The following LYRM4 variants were observed in gnomAD, a reference collection of about 807,000 sequenced individuals.
LYRM4 encodes the protein LYR motif containing 4, also known as LYR motif-containing protein 4.
A neutral mutation model predicts 11.7 loss-of-function variants in LYRM4; 9 were observed. The observed-to-expected ratio is 0.77, with a 90% confidence interval of 0.46 to 1.34. LYRM4 has a LOEUF of 1.34. Ranked by LOEUF, LYRM4 falls within the 40% of genes most tolerant of loss-of-function variation. The pLI, the probability that LYRM4 is intolerant of heterozygous loss-of-function variation, is 0.00. For synonymous variants in LYRM4, 42 were observed against 40.4 expected (o/e 1.04, Z -0.15); for missense variants, 133 against 112.5 (o/e 1.18, Z -0.82).
At chr6:5,251,232 G>C (rs986631280) in intron 1 of LYRM4, among the ~76,000 whole-genome samples, 4 of 152,170 alleles carry the variant, frequency 2.6e-5, no homozygotes, top group Non-Finnish European at 4.4e-5. Flanking sequence ...TGGATTTGTT[G>C]ATTTGTCTCC....
the LYRM4 span, among the ~76,000 whole-genome samples, chr6:5,052,809 G>A: frequency 1.3e-5 from 2 of 152,146 alleles, no homozygotes; most frequent in Non-Finnish European, 2.9e-5. Flanking sequence ...TGCTGTCTAA[G>A]GAGCCCCTTT....
chr6:5,072,938 T>A, the LYRM4 span, among the ~76,000 whole-genome samples: 2 of 152,220 alleles, frequency 1.3e-5, no homozygotes, highest in African/African-American at 4.8e-5. Flanking sequence ...GACTGACATA[T>A]ACCACAAACA....
intron 2 of LYRM4, among the ~76,000 whole-genome samples, chr6:5,178,331 G>A (rs1759841773): frequency 6.6e-6 from 1 of 151,752 alleles, no homozygotes; most frequent in Non-Finnish European, 1.5e-5. Flanking sequence ...ATTCTGAAAA[G>A]GAAGTTTATT....
intron 2 of LYRM4, among the ~76,000 whole-genome samples, chr6:5,197,456 G>A (rs1015061225): frequency 1.3e-5 from 2 of 151,814 alleles, no homozygotes; most frequent in African/African-American, 4.8e-5. Context: ...TGTGGATCAC[G>A]AGGTCAGGAG....
chr6:5,126,270 T>C (rs1434496857), intron 2 of LYRM4, among the ~76,000 whole-genome samples: 1 of 152,224 alleles, frequency 6.6e-6, no homozygotes, highest in Non-Finnish European at 1.5e-5. Flanking sequence ...CTTGGCCCTT[T>C]GCTAGTGACC....
At chr6:5,119,052 A>T (rs1763279583) in intron 2 of LYRM4, among the ~76,000 whole-genome samples, 1 of 152,226 alleles carries the variant, frequency 6.6e-6, no homozygotes, top group African/African-American at 2.4e-5. Context: ...ATGTGAAAGA[A>T]GCCAGGGGTG....
chr6:5,142,003 C>T (rs978411089), intron 2 of LYRM4, among the ~76,000 whole-genome samples: 1 of 152,074 alleles, frequency 6.6e-6, no homozygotes, highest in East Asian at 1.9e-4. Context: ...TGACAGGCTG[C>T]CCTGTTTCTG....
chr6:5,135,581 G>C (rs767587186), intron 2 of LYRM4, among the ~76,000 whole-genome samples: 1 of 149,536 alleles, frequency 6.7e-6, no homozygotes, highest in Non-Finnish European at 1.5e-5. Flanking sequence ...TGATTTTCAT[G>C]GGAATGGAAC....
At chr6:5,085,461 A>G in the LYRM4 span, 1 of 1,504,376 alleles carries the variant, frequency 6.6e-7, no homozygotes, top group South Asian at 1.2e-5. Flanking sequence ...GTTCGGCCCG[A>G]GCAAGTCCAG....
At chr6:5,233,999 C>G (rs1334538943) in intron 1 of LYRM4, among the ~76,000 whole-genome samples, 2 of 152,168 alleles carry the variant, frequency 1.3e-5, no homozygotes, top group African/African-American at 4.8e-5. Context: ...CCTTTCACCC[C>G]CTCCTCCCCA....
At chr6:5,046,790 G>A in the LYRM4 span, among the ~76,000 whole-genome samples, 1 of 152,138 alleles carries the variant, frequency 6.6e-6, no homozygotes, top group South Asian at 2.1e-4. Flanking sequence ...TATTCTGTTG[G>A]TCAAAAATAA....
chr6:5,049,972 C>A, the LYRM4 span, among the ~76,000 whole-genome samples: 3 of 152,220 alleles, frequency 2.0e-5, no homozygotes, highest in Non-Finnish European at 4.4e-5. Context: ...CCGGCCTGGG[C>A]AGTGTCATTC....
intron 2 of LYRM4, among the ~76,000 whole-genome samples, chr6:5,180,526 C>A (rs957411793): frequency 6.6e-6 from 1 of 152,172 alleles, no homozygotes; most frequent in African/African-American, 2.4e-5. Flanking sequence ...ATCTCACCAC[C>A]ATTTAGAACA....
At chr6:5,119,998 G>A (rs959601733) in intron 2 of LYRM4, among the ~76,000 whole-genome samples, 1 of 151,540 alleles carries the variant, frequency 6.6e-6, no homozygotes, top group African/African-American at 2.4e-5. Context: ...GGGTTCAAGC[G>A]ATTCTTCTGC....
chr6:5,245,105 AAAAAAAAAATATATATATATATAT>A lies in LYRM4; in HGVS notation c.86+15519_86+15542del, dbSNP rs1166195382. On this transcript the variant is annotated intron_variant, in intron 1 of 2. Transcript: ENST00000330636. ...GGAAGACCTTAAAAAAAAAAAAAAA[AAAAAAAAAATATATATATATATAT>A]ATATATATATATATATATATATATA... 1.1e-3 allele frequency among the ~76,000 whole-genome samples: 65 copies of A among 56,790 alleles called. 2 individuals are homozygous for A. The highest frequency in any genetic ancestry group is 3.5e-3 in the African/African-American group (51 of 14,686). 37.3% of individuals were successfully genotyped at this position (56,790 alleles called of 152,430 possible).
chr6:5,159,265 G>A (rs917407750), intron 2 of LYRM4, among the ~76,000 whole-genome samples: 10 of 152,226 alleles, frequency 6.6e-5, no homozygotes, highest in Non-Finnish European at 1.3e-4. Context: ...ATGAAGATGA[G>A]TAGAGGACAG....
intron 2 of LYRM4, chr6:5,144,087 G>A: frequency 4.7e-6 from 7 of 1,502,244 alleles, no homozygotes; most frequent in Non-Finnish European, 6.2e-6. Context: ...GAAATGCTTA[G>A]AGAGGTGAGA....
chr6:5,085,705 C>T, the LYRM4 span: 1 of 1,547,370 alleles, frequency 6.5e-7, no homozygotes, highest in East Asian at 2.5e-5. Context: ...GGAGGAGCTG[C>T]TGGAATGCCG....
chr6:5,082,931 C>A, the LYRM4 span, among the ~76,000 whole-genome samples: 1 of 152,146 alleles, frequency 6.6e-6, no homozygotes, highest in Non-Finnish European at 1.5e-5. Context: ...TTCCTTCCAC[C>A]TCACCTTCCT....
Sources: allele counts gnomAD v4.1 joint callset (sites outside exome capture counted in the v4.1 genomes callset), GRCh38; gene constraint gnomAD v4.1.1; transcripts MANE v1.5; gene names NCBI Gene and HGNC (gene_info 2026-07-23, HGNC 2026-07-21).